CPED1: variants seen among roughly 807,000 people sequenced by gnomAD.
CPED1 encodes cadherin like and PC-esterase domain containing 1.
Under a neutral mutation model 128.2 loss-of-function variants are expected in CPED1, and 114 were observed. The observed-to-expected ratio is 0.89, with a 90% confidence interval of 0.76 to 1.04. CPED1 has a LOEUF of 1.04. Ranked by LOEUF, CPED1 falls within the 50% of genes least tolerant of loss-of-function variation. The pLI is 0.00. For synonymous variants in CPED1, 462 were observed against 426.7 expected (o/e 1.08, Z -1.02); for missense variants, 1,211 against 1,207.1 (o/e 1.00, Z -0.05).
At position 121,266,288 on chromosome 7, in the gene CPED1, A is replaced by G. The variant is rs1792120859; in HGVS notation, c.2372A>G (p.Asn791Ser). 6.2e-7 allele frequency: 1 copy of G among 1,613,214 alleles called. No homozygotes were observed. Among genetic ancestry groups the G allele is most frequent in the Non-Finnish European group, 8.5e-7 (1 of 1,179,420 alleles). ...GIMYYLIERL[N>S]ETLQEWQKVH... ...ATGTACTATCTTATTGAAAGGCTGAATGAAACGTTGCAGGAATGGCAGAAA... is the reference window on the plus strand; with the variant it reads ...ATGTACTATCTTATTGAAAGGCTGAGTGAAACGTTGCAGGAATGGCAGAAA... Residue 791 changes from asparagine to serine, a missense_variant, in exon 19 of 23, where the codon AAT (asparagine) becomes AGT (serine). Coordinates refer to ENST00000310396, the MANE Select transcript of CPED1 (RefSeq NM_024913.5).
chr7:121,142,915 G>A (rs1287316501), intron 16 of CPED1, among the ~76,000 whole-genome samples: 1 of 151,860 alleles, frequency 6.6e-6, no homozygotes, highest in Non-Finnish European at 1.5e-5. Flanking sequence ...TATATTACTG[G>A]GAGCTTTGAA....
intron 18 of CPED1, among the ~76,000 whole-genome samples, chr7:121,246,474 C>A (rs1798537348): frequency 6.6e-6 from 1 of 152,186 alleles, no homozygotes; most frequent in Non-Finnish European, 1.5e-5. Flanking sequence ...AGCCCTCTTC[C>A]TGGCTTCTGT....
At chr7:121,281,992 G>A (rs1296991731) in intron 22 of CPED1, among the ~76,000 whole-genome samples, 1 of 152,032 alleles carries the variant, frequency 6.6e-6, no homozygotes, top group Non-Finnish European at 1.5e-5. Context: ...CTTCAAAGTG[G>A]CAAAATAAAA....
intron 16 of CPED1, among the ~76,000 whole-genome samples, chr7:121,208,898 T>A (rs1296259284): frequency 6.6e-6 from 1 of 152,054 alleles, no homozygotes; most frequent in Non-Finnish European, 1.5e-5. Flanking sequence ...GTCTGAATAA[T>A]GATGTGCAGG....
At chr7:121,161,725 A>C (rs1284701722) in intron 16 of CPED1, among the ~76,000 whole-genome samples, 1 of 152,212 alleles carries the variant, frequency 6.6e-6, no homozygotes, top group Non-Finnish European at 1.5e-5. Context: ...AAAGCTTTGG[A>C]TCAAAATGAG....
chr7:121,250,189 A>G (rs1291556401), intron 18 of CPED1, among the ~76,000 whole-genome samples: 2 of 152,240 alleles, frequency 1.3e-5, no homozygotes, highest in Non-Finnish European at 1.5e-5. Flanking sequence ...GCTCAACTAC[A>G]TGGAAACTGA....
chr7:121,123,645 A>T (rs567447233), intron 7 of CPED1, among the ~76,000 whole-genome samples: 1 of 152,280 alleles, frequency 6.6e-6, no homozygotes. Flanking sequence ...TGTGATACTA[A>T]CAATTGTGTT....
At chr7:121,023,303 A>C (rs1301518442) in intron 3 of CPED1, among the ~76,000 whole-genome samples, 3 of 152,118 alleles carry the variant, frequency 2.0e-5, no homozygotes, top group Non-Finnish European at 4.4e-5. Context: ...GCTTGAATGC[A>C]AGATTTATTT....
chr7:121,222,752 CTGTT>C (rs942046700), intron 16 of CPED1, among the ~76,000 whole-genome samples: 42 of 152,248 alleles, frequency 2.8e-4, no homozygotes, highest in African/African-American at 1.0e-3. Flanking sequence ...ATTTGGCTCT[CTGTT>C]TGTCTGTTAT....
At position 121,129,335 on chromosome 7, in the gene CPED1, ACG is replaced by A. The variant is rs1407357579; in HGVS notation, c.1408-789_1408-788del. ...TACGTATATATATATATATATATAT[ACG>A]TATATATATATATACATACATACAC... On this transcript the variant is annotated intron_variant, in intron 11 of 22. Transcript: ENST00000310396. Among the ~76,000 whole-genome samples, 108 of 125,288 alleles carry A rather than the reference ACG, an allele frequency of 8.6e-4. 1 individual carries two copies. The highest frequency in any genetic ancestry group is 2.6e-3 in the African/African-American group (87 of 32,974). 82.2% of individuals were successfully genotyped at this position (125,288 alleles called of 152,430 possible). A position where few individuals can be genotyped will look rare whatever the true frequency, so the allele number is the denominator to read the frequency against.
At chr7:121,020,445 T>C (rs547684030) in intron 3 of CPED1, among the ~76,000 whole-genome samples, 109 of 152,112 alleles carry the variant, frequency 7.2e-4, no homozygotes, top group Non-Finnish European at 1.3e-3. Flanking sequence ...AGAGTCTGTA[T>C]GGCTTTTAAA....
intron 2 of CPED1, among the ~76,000 whole-genome samples, chr7:120,991,873 G>A (rs746774039): frequency 3.9e-5 from 6 of 152,168 alleles, no homozygotes; most frequent in Non-Finnish European, 7.4e-5. Flanking sequence ...CAGTGGATAT[G>A]GAAAGTAGAT....
chr7:121,113,563 A>T (rs1380126978), intron 7 of CPED1, among the ~76,000 whole-genome samples: 1 of 152,188 alleles, frequency 6.6e-6, no homozygotes, highest in Non-Finnish European at 1.5e-5. Flanking sequence ...CATAGGTTAT[A>T]GTCTTGGAAC....
chr7:121,026,872 C>T (rs1189895893), intron 3 of CPED1, among the ~76,000 whole-genome samples: 1 of 135,602 alleles, frequency 7.4e-6, no homozygotes, highest in Non-Finnish European at 1.5e-5. Context: ...GCTTTGTTGC[C>T]CAGGCTGGAG....
At chr7:121,237,679 C>T (rs1798290436) in intron 17 of CPED1, among the ~76,000 whole-genome samples, 1 of 152,134 alleles carries the variant, frequency 6.6e-6, no homozygotes, top group African/African-American at 2.4e-5. Context: ...ACTGCTCTGT[C>T]CTCCTGACCC....
At position 121,081,350 on chromosome 7, in the gene CPED1, T is replaced by TAA. The variant is rs548153050; in HGVS notation, c.617-16347_617-16346dup. Among the ~76,000 whole-genome samples, 23 of 152,262 alleles carry TAA rather than the reference T, an allele frequency of 1.5e-4. No individual in the cohort carries two copies. In the South Asian group the frequency reaches 4.6e-3, roughly 30 times the overall value. On this transcript the variant is annotated intron_variant, in intron 5 of 22. Coordinates refer to ENST00000310396, the MANE Select transcript of CPED1 (RefSeq NM_024913.5). ...TCTGGCAGAAGTATAATTAACTGAA[T>TAA]AAATAGGGTAGCTTTGGAAGATGTT...
At chr7:121,294,075 C>T (rs541746192) in intron 22 of CPED1, among the ~76,000 whole-genome samples, 13 of 152,198 alleles carry the variant, frequency 8.5e-5, no homozygotes, top group African/African-American at 2.4e-4. Flanking sequence ...CAATCTCTCT[C>T]GGTCCTCCTT....
chr7:121,231,081 G>A (rs1798130573), intron 16 of CPED1, among the ~76,000 whole-genome samples: 1 of 152,012 alleles, frequency 6.6e-6, no homozygotes, highest in Admixed American at 6.6e-5. Flanking sequence ...ATATCTCCCA[G>A]AATGCAAAGT....
intron 7 of CPED1, among the ~76,000 whole-genome samples, chr7:121,119,595 G>T (rs1195407300): frequency 6.6e-6 from 1 of 151,064 alleles, no homozygotes; most frequent in African/African-American, 2.4e-5. Context: ...GGAGGCCGAG[G>T]CGGGCGGATC....
Sources: gnomAD v4.1 joint callset for allele counts (sites outside exome capture counted in the v4.1 genomes callset) on GRCh38, gnomAD v4.1.1 for gene constraint, MANE v1.5 for transcripts, NCBI Gene and HGNC (gene_info 2026-07-23, HGNC 2026-07-21) for gene names.